The following TBC1D12 variants were observed in gnomAD, a reference collection of about 807,000 sequenced individuals.
TBC1D12 encodes TBC1 domain family, member 12.
Under a neutral mutation model 86.7 loss-of-function variants are expected in TBC1D12, and 56 were observed. The observed-to-expected ratio is 0.65, with a 90% CI of 0.52 to 0.81. The LOEUF (loss-of-function observed/expected upper bound fraction) is 0.81, where lower values mean the gene tolerates loss of function less well. TBC1D12 is among the 30% of genes least tolerant of loss of function. TBC1D12 has a pLI of 0.00. For missense variants in TBC1D12, 1,023 were observed against 1,038.8 expected (o/e 0.98, Z 0.21); for synonymous variants, 421 against 411.7 (o/e 1.02, Z -0.27).
chr10:94,448,808 G>C (rs749403782), intron 2 of TBC1D12, among the ~76,000 whole-genome samples: 8 of 152,158 alleles, frequency 5.3e-5, no homozygotes, highest in African/African-American at 1.9e-4. Flanking sequence ...TTACACTCTT[G>C]CATGTTTTGT....
In TBC1D12 at chr10:94,531,482, T is replaced by G. The variant is rs1461034559; in HGVS notation, c.2259+22T>G. 1.9e-6 allele frequency: 3 copies of G among 1,596,212 alleles called. No homozygotes were observed. In the African/African-American group the frequency reaches 4.0e-5, roughly 21 times the overall value. ...TCAGGTAGAGTGACATTTTCTTATC[T>G]TTAATAGATGTGTTAAAGCAGTTGA... is the stretch of plus-strand genomic sequence containing the variant. On this transcript the variant is annotated intron_variant, in intron 12 of 12. Coordinates refer to ENST00000225235, the MANE Select transcript of TBC1D12 (RefSeq NM_015188.2).
chr10:94,488,349 C>T (rs1240825394), intron 3 of TBC1D12, among the ~76,000 whole-genome samples: 2 of 144,270 alleles, frequency 1.4e-5, no homozygotes, highest in African/African-American at 5.1e-5. Flanking sequence ...GATTGCACCA[C>T]TGGGTATTGC....
chr10:94,529,124 C>T (rs1038637609), intron 11 of TBC1D12, among the ~76,000 whole-genome samples: 8 of 151,992 alleles, frequency 5.3e-5, no homozygotes, highest in Non-Finnish European at 1.2e-4. Flanking sequence ...AGTCTGCCCA[C>T]CTCAGCCTCT....
intron 1 of TBC1D12, among the ~76,000 whole-genome samples, chr10:94,417,137 C>T (rs1176136956): frequency 5.3e-5 from 8 of 152,012 alleles, no homozygotes; most frequent in South Asian, 2.1e-4. Flanking sequence ...ACTTGCATAG[C>T]GGTGTGGCAG....
chr10:94,475,677 C>T (rs1048165746), intron 3 of TBC1D12, among the ~76,000 whole-genome samples: 1 of 152,136 alleles, frequency 6.6e-6, no homozygotes, highest in Non-Finnish European at 1.5e-5. Context: ...CTCAAGTGGT[C>T]CACCCATCTC....
chr10:94,520,589 AATAGAG>A (rs2134221790), intron 9 of TBC1D12, among the ~76,000 whole-genome samples: 1 of 152,274 alleles, frequency 6.6e-6, no homozygotes, highest in South Asian at 2.1e-4. Context: ...GAGCTGAGAA[AATAGAG>A]ATAGTGATTG....
At chr10:94,530,462 A>C (rs1255888534) in intron 11 of TBC1D12, among the ~76,000 whole-genome samples, 1 of 152,228 alleles carries the variant, frequency 6.6e-6, no homozygotes, top group Admixed American at 6.5e-5. Flanking sequence ...ATATTAGGTT[A>C]CTAAAAGATG....
intron 1 of TBC1D12, among the ~76,000 whole-genome samples, chr10:94,419,866 G>T (rs2134061105): frequency 6.6e-6 from 1 of 152,290 alleles, no homozygotes; most frequent in East Asian, 1.9e-4. Flanking sequence ...AAAATGTGTG[G>T]TTTAGATATG....
At chr10:94,457,132 G>T (rs1021921298) in intron 2 of TBC1D12, among the ~76,000 whole-genome samples, 6 of 152,096 alleles carry the variant, frequency 3.9e-5, no homozygotes, top group Non-Finnish European at 8.8e-5. Flanking sequence ...TACATGTGCT[G>T]ACCTTGCAGG....
chr10:94,531,222 A>C lies in TBC1D12; in HGVS notation c.2021A>C (p.Lys674Thr). The change falls in exon 12 of 13, where the codon AAA becomes ACA. Residue 674 changes from lysine (K) to threonine (T), a missense_variant. Physicochemically the swap from Lys to Thr is moderately conservative, Grantham distance 78. Coordinates refer to ENST00000225235, the MANE Select transcript of TBC1D12 (RefSeq NM_015188.2). ...LIDWIFTLYS[K>T]SLPLDLACRV... Reference sequence around the variant, plus strand: ...TTTAGGATCTTCACACTATATAGCAAATCACTACCACTTGATCTGGCCTGT... The same window carrying C: ...TTTAGGATCTTCACACTATATAGCACATCACTACCACTTGATCTGGCCTGT... The C allele has an allele frequency of 6.2e-7, 1 of 1,613,844 alleles. No homozygotes were observed. Among genetic ancestry groups the C allele is most frequent in the Non-Finnish European group, 8.5e-7 (1 of 1,179,882 alleles).
chr10:94,488,386 C>CTTTT (rs770258959), intron 3 of TBC1D12, among the ~76,000 whole-genome samples: 154 of 74,800 alleles, frequency 2.1e-3, no homozygotes, highest in East Asian at 6.7e-3. Context: ...CCCAAGGGGT[C>CTTTT]TTTTTTTTTT....
intron 3 of TBC1D12, among the ~76,000 whole-genome samples, chr10:94,487,394 G>C (rs1027511546): frequency 2.0e-5 from 3 of 150,290 alleles, no homozygotes; most frequent in Non-Finnish European, 4.4e-5. Context: ...CTCTTCTTTC[G>C]TTCCTTCCAG....
At chr10:94,512,639 A>T (rs114385120) in intron 9 of TBC1D12, among the ~76,000 whole-genome samples, 10 of 152,366 alleles carry the variant, frequency 6.6e-5, no homozygotes, top group African/African-American at 2.2e-4. Context: ...CAAACAAATA[A>T]GTAAATCATG....
chr10:94,496,057 C>T (rs559427047), intron 4 of TBC1D12, among the ~76,000 whole-genome samples: 6 of 151,946 alleles, frequency 3.9e-5, no homozygotes, highest in South Asian at 2.1e-4. Flanking sequence ...GAGCAGAGAT[C>T]GCACCACTGC....
At position 94,402,862 on chromosome 10, in the gene TBC1D12, G is replaced by T; in HGVS notation, c.249G>T (p.Pro83=). 1 of 1,528,420 alleles carries T rather than the reference G, an allele frequency of 6.5e-7. No homozygotes were observed. The highest frequency in any genetic ancestry group is 1.2e-5 in the South Asian group (1 of 81,052). 94.7% of individuals were successfully genotyped at this position (1,528,420 alleles called of 1,614,324 possible). A position where few individuals can be genotyped will look rare whatever the true frequency, so the allele number is the denominator to read the frequency against. ...YLAAAGEQLE[P]GLCYCPLPAG... is the part of the protein sequence containing the mutation. Reference sequence around the variant, plus strand: ...CGGCGGCCGGGGAGCAGCTGGAGCCGGGGCTCTGCTACTGTCCGCTCCCCG... The same window carrying T: ...CGGCGGCCGGGGAGCAGCTGGAGCCTGGGCTCTGCTACTGTCCGCTCCCCG... The change falls in exon 1 of 13, where the codon CCG becomes CCT. Residue 83 remains proline, a synonymous_variant. Transcript: ENST00000225235.
chr10:94,405,400 TAAATC>T (rs967773510), intron 1 of TBC1D12, among the ~76,000 whole-genome samples: 41 of 152,226 alleles, frequency 2.7e-4, no homozygotes, highest in African/African-American at 9.2e-4. Context: ...TAAAGTTTCT[TAAATC>T]AAAAGTGGAA....
intron 3 of TBC1D12, among the ~76,000 whole-genome samples, chr10:94,488,441 A>T (rs1171452686): frequency 1.8e-5 from 2 of 113,710 alleles, no homozygotes; most frequent in Non-Finnish European, 3.3e-5. Context: ...CCCAGGCTGG[A>T]GTGCAGTGGT....
intron 9 of TBC1D12, among the ~76,000 whole-genome samples, chr10:94,515,743 TATTA>T (rs1480713836): frequency 1.3e-5 from 2 of 152,244 alleles, no homozygotes; most frequent in African/African-American, 4.8e-5. Context: ...TGATAAAATT[TATTA>T]ATTAGGCACA....
At chr10:94,524,515 C>T (rs1024945326) in intron 11 of TBC1D12, among the ~76,000 whole-genome samples, 4 of 151,956 alleles carry the variant, frequency 2.6e-5, no homozygotes, top group Non-Finnish European at 4.4e-5. Context: ...CCGAGGCAGG[C>T]GGATCACGAG....
Sources: gnomAD v4.1 joint callset for allele counts (sites outside exome capture counted in the v4.1 genomes callset) on GRCh38, gnomAD v4.1.1 for gene constraint, MANE v1.5 for transcripts, NCBI Gene and HGNC (gene_info 2026-07-23, HGNC 2026-07-21) for gene names.